SMAD3: variants seen among roughly 807,000 people sequenced by gnomAD.
The protein encoded by SMAD3 is SMAD family member 3.
SMAD3 carries 12 observed loss-of-function variants against 51.8 expected under a neutral mutation model. The ratio of observed to expected loss-of-function variants is 0.23; its 90% CI spans 0.15 to 0.38. The LOEUF is 0.38. Among genes scored for constraint, SMAD3 ranks in the 10% least tolerant of loss-of-function variants. The probability of loss-of-function intolerance (pLI) is 1.00; values close to 1 mark genes in which losing one functional copy is unlikely to be tolerated. For synonymous variants in SMAD3, 238 were observed against 227.7 expected (o/e 1.05, Z -0.41); for missense variants, 294 against 565.6 (o/e 0.52, Z 4.87).
rs534373427 is a variant in SMAD3, at chr15:67,121,462, C to T, written c.207-43433C>T. ...CTGGGTGGGCAGCTCCCAGAGGCCC[C>T]GGGGAGGGCTGCAGATGGGCGGGGG... On this transcript the variant is annotated intron_variant, in intron 1 of 8. Transcript: ENST00000327367. Among the ~76,000 whole-genome samples, 210 of 152,122 alleles carry T rather than the reference C, an allele frequency of 1.4e-3. 1 individual carries two copies. Among genetic ancestry groups the T allele is most frequent in the Non-Finnish European group, 2.1e-3 (145 of 67,984 alleles).
chr15:67,135,047 TG>T (rs1395633190), intron 1 of SMAD3, among the ~76,000 whole-genome samples: 1 of 152,040 alleles, frequency 6.6e-6, no homozygotes, highest in African/African-American at 2.4e-5. Context: ...GGGGTGTCAC[TG>T]GGGGCTTTGT....
intron 5 of SMAD3, among the ~76,000 whole-genome samples, chr15:67,170,997 A>G (rs932782861): frequency 3.3e-5 from 5 of 152,214 alleles, no homozygotes; most frequent in African/African-American, 1.2e-4. Flanking sequence ...TTTCAGATAT[A>G]CTTATTTGAG....
chr15:67,066,186 T>A lies in SMAD3; in HGVS notation c.32T>A (p.Ile11Asn). 5 of 1,609,622 alleles carry A rather than the reference T, an allele frequency of 3.1e-6. No homozygotes were observed. The highest frequency in any genetic ancestry group is 4.2e-6 in the Non-Finnish European group (5 of 1,178,482). The change falls in exon 1 of 9, where the codon ATC (isoleucine) becomes AAC (asparagine). Residue 11 changes from isoleucine to asparagine, a missense_variant. Around this residue, in one of 3 missense-constraint regions of SMAD3, gnomAD observed 147 missense variants for 260.9 expected, o/e 0.56. Transcript: ENST00000327367. The stretch of plus-strand genomic sequence containing the variant: ...TCCATCCTGCCTTTCACTCCCCCGA[T>A]CGTGAAGCGCCTGCTGGGCTGGAAG... The part of the protein sequence containing the change: MSSILPFTPP[I>N]VKRLLGWKKG...
chr15:67,143,722 C>T (rs1242234035), intron 1 of SMAD3, among the ~76,000 whole-genome samples: 2 of 152,252 alleles, frequency 1.3e-5, no homozygotes, highest in Admixed American at 6.5e-5. Context: ...GCATTAGCCA[C>T]TGTGCCCAGC....
chr15:67,162,645 T>A (rs1381397075), intron 1 of SMAD3, among the ~76,000 whole-genome samples: 1 of 152,190 alleles, frequency 6.6e-6, no homozygotes, highest in East Asian at 1.9e-4. Flanking sequence ...TCAAGCCAGC[T>A]CTCTCTCATG....
At chr15:67,151,672 A>G (rs1962149321) in intron 1 of SMAD3, among the ~76,000 whole-genome samples, 1 of 152,160 alleles carries the variant, frequency 6.6e-6, no homozygotes, top group African/African-American at 2.4e-5. Context: ...AGAGTTTTTG[A>G]AAAATATTTG....
At chr15:67,131,268 T>G (rs1757405809) in intron 1 of SMAD3, among the ~76,000 whole-genome samples, 1 of 152,206 alleles carries the variant, frequency 6.6e-6, no homozygotes, top group African/African-American at 2.4e-5. Context: ...TGTCAGTCCC[T>G]TGCCACAGGT....
intron 1 of SMAD3, among the ~76,000 whole-genome samples, chr15:67,086,146 G>T (rs1212093412): frequency 1.3e-5 from 2 of 152,092 alleles, no homozygotes; most frequent in African/African-American, 4.8e-5. Flanking sequence ...CCTTACAAAT[G>T]CCCACACTTT....
intron 1 of SMAD3, among the ~76,000 whole-genome samples, chr15:67,136,788 A>G (rs1274980302): frequency 6.6e-6 from 1 of 152,068 alleles, no homozygotes; most frequent in African/African-American, 2.4e-5. Flanking sequence ...CCCAACCTCC[A>G]CCCTATAGAG....
At chr15:67,075,993 G>A (rs75001220) in intron 1 of SMAD3, among the ~76,000 whole-genome samples, 2,182 of 152,146 alleles carry the variant, frequency 0.014, 65 homozygotes, top group African/African-American at 0.05. Flanking sequence ...CATAGTAGAT[G>A]CTTAGTAAAC....
At chr15:67,162,663 C>T (rs1006861832) in intron 1 of SMAD3, among the ~76,000 whole-genome samples, 1 of 152,122 alleles carries the variant, frequency 6.6e-6, no homozygotes, top group Non-Finnish European at 1.5e-5. Flanking sequence ...ATGATCCCCT[C>T]TCCAGTCCTT....
At chr15:67,138,455 T>C (rs1330943552) in intron 1 of SMAD3, 1 of 281,260 alleles carries the variant, frequency 3.6e-6, no homozygotes, top group Non-Finnish European at 7.0e-6. Flanking sequence ...TATTTGTTCC[T>C]TTCCAGTCAT....
At chr15:67,187,543 C>T in intron 8 of SMAD3, 34 bp downstream of exon 8, 1 of 1,613,536 alleles carries the variant, frequency 6.2e-7, no homozygotes, top group Non-Finnish European at 8.5e-7. Flanking sequence ...TCAGGGGACC[C>T]AACTCCAGGT....
At chr15:67,127,392 C>T (rs1257265192) in intron 1 of SMAD3, among the ~76,000 whole-genome samples, 2 of 152,188 alleles carry the variant, frequency 1.3e-5, no homozygotes, top group Non-Finnish European at 2.9e-5. Flanking sequence ...CCATCTGAGT[C>T]CTGTTCCTCC....
intron 1 of SMAD3, among the ~76,000 whole-genome samples, chr15:67,160,791 AAAAAAAAAAAAAAAAAAAAAAG>A: frequency 1.4e-5 from 2 of 145,036 alleles, no homozygotes; most frequent in African/African-American, 5.3e-5. Context: ...AAAAAAAAAA[AAAAAAAAAAAAAAAAAAAAAAG>A]AAGATTGAAT....
chr15:67,164,779 G>C, intron 1 of SMAD3, 116 bp from the exon 2 acceptor site: 2 of 1,083,234 alleles, frequency 1.8e-6, no homozygotes. Flanking sequence ...CTCTGGATCT[G>C]GGAGAAATGA....
At chr15:67,130,351 G>A (rs896501274) in intron 1 of SMAD3, among the ~76,000 whole-genome samples, 2 of 152,198 alleles carry the variant, frequency 1.3e-5, no homozygotes, top group Non-Finnish European at 2.9e-5. Flanking sequence ...CCCCGGGGCC[G>A]TGGACTGATA....
intron 1 of SMAD3, among the ~76,000 whole-genome samples, chr15:67,078,390 T>C (rs1960215855): frequency 6.6e-6 from 1 of 152,182 alleles, no homozygotes; most frequent in African/African-American, 2.4e-5. Flanking sequence ...TTGTTGATGA[T>C]CATCAATCAA....
intron 1 of SMAD3, among the ~76,000 whole-genome samples, chr15:67,082,261 A>T (rs1161399743): frequency 1.3e-5 from 2 of 152,004 alleles, no homozygotes; most frequent in East Asian, 1.9e-4. Context: ...GAGCAGGGGG[A>T]CTGTCTGGGC....
Sources: gnomAD v4.1 joint callset for allele counts (sites outside exome capture counted in the v4.1 genomes callset) on GRCh38, gnomAD v4.1.1 for gene constraint, gnomAD v4.1.1 regional missense constraint, MANE v1.5 for transcripts, NCBI Gene and HGNC (gene_info 2026-07-23, HGNC 2026-07-21) for gene names.